Variants in IFT81 observed in about 807,000 individuals in gnomAD.
The protein encoded by IFT81 is intraflagellar transport protein 81 homolog.
In IFT81, 72 loss-of-function variants were observed where a neutral mutation model predicts 102.6. The observed-to-expected ratio is 0.70, with a 90% confidence interval of 0.58 to 0.85. The LOEUF is 0.85. Ranked by LOEUF, IFT81 falls within the 40% of genes least tolerant of loss-of-function variation. The pLI, the probability that IFT81 is intolerant of heterozygous loss-of-function variation, is 0.00. For missense variants in IFT81, 723 were observed against 787.3 expected (o/e 0.92, Z 0.98); for synonymous variants, 237 against 242.7 (o/e 0.98, Z 0.22).
chr12:110,160,296 C>G (rs1272972512), intron 10 of IFT81, among the ~76,000 whole-genome samples: 2 of 152,154 alleles, frequency 1.3e-5, no homozygotes, highest in Non-Finnish European at 2.9e-5. Flanking sequence ...GCGGCTCAGT[C>G]CAAGGCCAAA....
intron 18 of IFT81, 43 bp from the exon 19 acceptor site, chr12:110,218,001 C>T (rs1338065271): frequency 7.0e-7 from 1 of 1,422,220 alleles, no homozygotes; most frequent in East Asian, 2.4e-5. Context: ...AAATAAACCC[C>T]TGTAACTGAG....
intron 8 of IFT81, among the ~76,000 whole-genome samples, chr12:110,138,889 A>G (rs943782880): frequency 6.6e-6 from 1 of 152,206 alleles, no homozygotes; most frequent in Non-Finnish European, 1.5e-5. Flanking sequence ...TTTACCCAGG[A>G]TTTTGAAAGA....
intron 12 of IFT81, among the ~76,000 whole-genome samples, chr12:110,184,267 G>T (rs569616530): frequency 6.6e-6 from 1 of 152,040 alleles, no homozygotes; most frequent in African/African-American, 2.4e-5. Context: ...GGAGAATGGC[G>T]TGAACCCCGG....
intron 14 of IFT81, among the ~76,000 whole-genome samples, chr12:110,197,407 A>G (rs1428689938): frequency 1.4e-5 from 2 of 144,366 alleles, no homozygotes; most frequent in African/African-American, 2.5e-5. Context: ...ATTTTTTTCT[A>G]TTTTGTACAT....
intron 10 of IFT81, among the ~76,000 whole-genome samples, chr12:110,151,966 T>A (rs529700347): frequency 1.3e-5 from 2 of 152,322 alleles, no homozygotes; most frequent in Non-Finnish European, 2.9e-5. Flanking sequence ...CTCATCCATG[T>A]TGTTGTAAAT....
chr12:110,127,941 C>A (rs1006784245), intron 2 of IFT81, 105 bp from the exon 3 acceptor site: 8 of 753,548 alleles, frequency 1.1e-5, no homozygotes, highest in South Asian at 8.4e-5. Flanking sequence ...TATGAAGAGA[C>A]CATTGTGCTG....
rs1280376120 is a variant in IFT81 at position 110,154,292 on chromosome 12, A to G, written c.1041+7244A>G. On this transcript the variant is annotated intron_variant, in intron 10 of 18. Coordinates refer to ENST00000242591, the MANE Select transcript of IFT81 (RefSeq NM_014055.4). The stretch of plus-strand genomic sequence containing the variant: ...CAATGAGCCGAGATCACGCCATTGC[A>G]CTCCAGCCCAGGCAACAGTGTGAGA... 2.0e-5 allele frequency among the ~76,000 whole-genome samples: 3 copies of G among 150,096 alleles called. No homozygotes were observed. The East Asian group carries it at 5.9e-4, about 29-fold the overall frequency.
At chr12:110,169,500 A>G (rs1044029748) in intron 11 of IFT81, among the ~76,000 whole-genome samples, 7 of 152,156 alleles carry the variant, frequency 4.6e-5, no homozygotes, top group African/African-American at 1.2e-4. Context: ...ATTAGGACCA[A>G]TGAATGGTGA....
chr12:110,170,544 T>C (rs1896682129), intron 11 of IFT81, among the ~76,000 whole-genome samples: 2 of 152,168 alleles, frequency 1.3e-5, no homozygotes, highest in East Asian at 3.8e-4. Context: ...CTTTCATAAT[T>C]TGAAAGAGCA....
At chr12:110,158,035 A>G (rs1404288702) in intron 10 of IFT81, among the ~76,000 whole-genome samples, 3 of 152,004 alleles carry the variant, frequency 2.0e-5, no homozygotes, top group African/African-American at 4.8e-5. Flanking sequence ...GAGAATTTCT[A>G]TTCATTCATT....
chr12:110,194,018 A>G (rs987113603), intron 14 of IFT81, among the ~76,000 whole-genome samples: 1 of 152,216 alleles, frequency 6.6e-6, no homozygotes, highest in Non-Finnish European at 1.5e-5. Context: ...GAGAGCAGGC[A>G]TATCACATGG....
intron 11 of IFT81, among the ~76,000 whole-genome samples, chr12:110,170,732 A>T (rs568854757): frequency 6.6e-6 from 1 of 152,308 alleles, no homozygotes; most frequent in African/African-American, 2.4e-5. Flanking sequence ...GTATGGGAGT[A>T]TTATAGTCCA....
Position 110,135,341 on chromosome 12 carries a change from G to T in IFT81, c.600G>T (p.Gln200His). 6.2e-7 allele frequency: 1 copy of T among 1,610,592 alleles called. No homozygotes were observed. The highest frequency in any genetic ancestry group is 1.1e-5 in the South Asian group (1 of 90,698). Residue 200 changes from glutamine to histidine, a missense_variant, in exon 7 of 19, where the codon CAG (glutamine) becomes CAT (histidine). Transcript: ENST00000242591. ...EHLKKRVETA[Q>H]NHQWMLKIAR... ...CCTTACTGTAGGTTGAGACAGCTCA[G>T]AATCATCAATGGATGCTTAAAATAG...
intron 13 of IFT81, 127 bp downstream of exon 13, chr12:110,191,175 T>C: frequency 1.1e-6 from 1 of 896,814 alleles, no homozygotes; most frequent in Non-Finnish European, 1.6e-6. Context: ...CATCTTTTTT[T>C]TTTTTTTCTT....
At chr12:110,194,138 G>A (rs557887318) in intron 14 of IFT81, among the ~76,000 whole-genome samples, 4 of 152,126 alleles carry the variant, frequency 2.6e-5, no homozygotes, top group East Asian at 1.9e-4. Context: ...GTGCTAAACC[G>A]TTCATGAGAA....
intron 11 of IFT81, among the ~76,000 whole-genome samples, chr12:110,176,038 CTA>C (rs1238418049): frequency 6.6e-6 from 1 of 152,134 alleles, no homozygotes; most frequent in Non-Finnish European, 1.5e-5. Flanking sequence ...CCCTCTGTGT[CTA>C]TGTTTCCACG....
At position 110,146,970 on chromosome 12, in the gene IFT81, A is replaced by G. The variant is rs113072909; in HGVS notation, c.963A>G (p.Thr321=). Residue 321 remains threonine (T), a synonymous_variant, in exon 10 of 19, where the codon ACA becomes ACG. Transcript: ENST00000242591. ...TATTTTAGATAAATGAAATAAACACAGAAATTAACCAGTTGATTGAAAAGA... is the reference window on the plus strand; with the variant it reads ...TATTTTAGATAAATGAAATAAACACGGAAATTAACCAGTTGATTGAAAAGA... ...ELESKINEIN[T]EINQLIEKKM... 1.0e-5 allele frequency: 16 copies of G among 1,607,970 alleles called. No individual in the cohort carries two copies. In the African/African-American group the frequency reaches 1.2e-4, roughly 12 times the overall value.
intron 1 of IFT81, 60 bp downstream of exon 1, chr12:110,124,921 T>C (rs1056070422): frequency 1.3e-5 from 2 of 152,254 alleles, no homozygotes; most frequent in African/African-American, 4.8e-5. Context: ...TAATTGCTTT[T>C]GCTAATTTTA....
intron 4 of IFT81, among the ~76,000 whole-genome samples, chr12:110,129,953 A>G (rs1211877868): frequency 6.6e-6 from 1 of 152,134 alleles, no homozygotes; most frequent in African/African-American, 2.4e-5. Flanking sequence ...TGTCTTTCCC[A>G]ATAAATTCTG....
Sources: gnomAD v4.1 joint callset for allele counts (sites outside exome capture counted in the v4.1 genomes callset) on GRCh38, gnomAD v4.1.1 for gene constraint, MANE v1.5 for transcripts, NCBI Gene and HGNC (gene_info 2026-07-23, HGNC 2026-07-21) for gene names.